The following NKAIN3 variants were observed in gnomAD, a reference collection of about 807,000 sequenced individuals.
NKAIN3 encodes sodium/potassium-transporting ATPase subunit beta-1-interacting protein 3.
In NKAIN3, 25 loss-of-function variants were observed where a neutral mutation model predicts 30.2. The ratio of observed to expected loss-of-function variants is 0.83; its 90% CI spans 0.60 to 1.16. NKAIN3 has a LOEUF of 1.16. Among genes scored for constraint, NKAIN3 ranks in the 50% most tolerant of loss-of-function variants. NKAIN3 has a pLI of 0.00. For missense variants in NKAIN3, 225 were observed against 254.1 expected (o/e 0.89, Z 0.78); for synonymous variants, 91 against 89.6 (o/e 1.02, Z -0.09).
chr8:62,819,850 A>T (rs1818799324), intron 4 of NKAIN3, among the ~76,000 whole-genome samples: 1 of 152,006 alleles, frequency 6.6e-6, no homozygotes, highest in Non-Finnish European at 1.5e-5. Context: ...TAATTTTTTT[A>T]AAAACTTCAA....
chr8:62,416,810 C>T (rs920584985), intron 1 of NKAIN3, among the ~76,000 whole-genome samples: 15 of 152,078 alleles, frequency 9.9e-5, no homozygotes, highest in Admixed American at 9.8e-4. Flanking sequence ...GCCTGGCCAA[C>T]ATGGTGAAAC....
intron 1 of NKAIN3, among the ~76,000 whole-genome samples, chr8:62,307,889 GTT>G (rs1207230313): frequency 6.6e-6 from 1 of 150,546 alleles, no homozygotes; most frequent in Non-Finnish European, 1.5e-5. Context: ...TGGATAGAGA[GTT>G]AAGCTAGGCG....
At chr8:62,996,079 G>A (rs1187427841) in intron 5 of NKAIN3, among the ~76,000 whole-genome samples, 2 of 152,144 alleles carry the variant, frequency 1.3e-5, no homozygotes, top group Non-Finnish European at 2.9e-5. Context: ...ACATAAAAGT[G>A]ATGTAAAATT....
intron 4 of NKAIN3, among the ~76,000 whole-genome samples, chr8:62,893,725 G>A (rs1821356958): frequency 6.6e-6 from 1 of 152,124 alleles, no homozygotes. Context: ...TATATAACTG[G>A]GAAGGTAAAA....
intron 1 of NKAIN3, among the ~76,000 whole-genome samples, chr8:62,500,464 AGAAAGAAAG>A (rs1466617329): frequency 2.1e-5 from 3 of 142,082 alleles, no homozygotes; most frequent in African/African-American, 8.6e-5. Context: ...AAAGAAAGAA[AGAAAGAAAG>A]AAAGAAAGAA....
intron 1 of NKAIN3, among the ~76,000 whole-genome samples, chr8:62,357,214 C>T (rs1025489847): frequency 1.3e-5 from 2 of 152,112 alleles, no homozygotes; most frequent in Non-Finnish European, 2.9e-5. Context: ...TGAGAACAGC[C>T]TGGGCAACAT....
At chr8:62,723,508 CA>C (rs1284746832) in intron 3 of NKAIN3, among the ~76,000 whole-genome samples, 2 of 152,052 alleles carry the variant, frequency 1.3e-5, no homozygotes, top group Middle Eastern at 3.2e-3. Context: ...TATTGATTAA[CA>C]CAAAGCCGGA....
intron 5 of NKAIN3, among the ~76,000 whole-genome samples, chr8:62,945,383 T>C (rs546323042): frequency 4.6e-5 from 7 of 152,324 alleles, no homozygotes; most frequent in African/African-American, 1.4e-4. Flanking sequence ...AAGCAAAAGA[T>C]TGAAAGCCAG....
In NKAIN3 at chr8:62,974,639, C is replaced by A. The variant is rs956302096; in HGVS notation, c.*9232C>A. Among the ~76,000 whole-genome samples, 1 of 152,066 alleles carries A rather than the reference C, an allele frequency of 6.6e-6. No individual in the cohort carries two copies. The highest frequency in any genetic ancestry group is 2.4e-5 in the African/African-American group (1 of 41,420). ...TAATTTGACTTTCTCTCTTCCTATT[C>A]GAATACGCTTTATTTCATTCTCTTG... On this transcript the variant is annotated 3_prime_UTR_variant, in exon 7 of 7. Coordinates refer to ENST00000623646, the MANE Select transcript of NKAIN3 (RefSeq NM_001304533.3).
intron 3 of NKAIN3, among the ~76,000 whole-genome samples, chr8:62,648,149 G>A (rs1812520259): frequency 6.6e-6 from 1 of 152,112 alleles, no homozygotes; most frequent in Non-Finnish European, 1.5e-5. Context: ...GATACGTTTT[G>A]GGCAAAATGG....
chr8:62,511,229 G>A (rs1807804595), intron 1 of NKAIN3, among the ~76,000 whole-genome samples: 1 of 152,044 alleles, frequency 6.6e-6, no homozygotes, highest in Non-Finnish European at 1.5e-5. Context: ...TTTATTTCAG[G>A]TTGCCTCTCT....
At chr8:62,601,782 C>T (rs75351673) in intron 3 of NKAIN3, among the ~76,000 whole-genome samples, 1,737 of 152,026 alleles carry the variant, frequency 0.011, 36 homozygotes, top group African/African-American at 0.041. Context: ...TCCAAAGAGA[C>T]GCAATTATAT....
chr8:62,597,707 A>G (rs1810874875), intron 3 of NKAIN3, among the ~76,000 whole-genome samples: 1 of 151,938 alleles, frequency 6.6e-6, no homozygotes, highest in Non-Finnish European at 1.5e-5. Flanking sequence ...GAATATCATC[A>G]TTTTCGGCAC....
chr8:62,659,913 A>G (rs1812889305), intron 3 of NKAIN3, among the ~76,000 whole-genome samples: 1 of 152,172 alleles, frequency 6.6e-6, no homozygotes, highest in African/African-American at 2.4e-5. Flanking sequence ...TCCATGTAAG[A>G]CATGACTTGC....
At chr8:62,905,293 T>G (rs1259209257) in intron 4 of NKAIN3, among the ~76,000 whole-genome samples, 3 of 152,112 alleles carry the variant, frequency 2.0e-5, no homozygotes, top group Non-Finnish European at 2.9e-5. Context: ...AGATAAGCCT[T>G]GGAGCCAGGC....
At chr8:62,710,435 AT>A (rs1379953630) in intron 3 of NKAIN3, among the ~76,000 whole-genome samples, 1 of 151,938 alleles carries the variant, frequency 6.6e-6, no homozygotes. Flanking sequence ...GGGTTTTGAT[AT>A]TTTCCTGTTG....
chr8:62,934,218 C>T (rs1455584), intron 5 of NKAIN3, among the ~76,000 whole-genome samples: 16,670 of 147,860 alleles, frequency 0.11, 1,058 homozygotes, highest in East Asian at 0.23. Flanking sequence ...GACCTTCTCT[C>T]TAAAAAAAAG....
At chr8:62,834,406 T>C (rs929667561) in intron 4 of NKAIN3, among the ~76,000 whole-genome samples, 4 of 152,152 alleles carry the variant, frequency 2.6e-5, no homozygotes, top group African/African-American at 7.2e-5. Context: ...GCTGACAATA[T>C]GATTCTATAC....
Position 62,993,152 on chromosome 8 carries a change from C to T in NKAIN3, c.533-6079C>T, listed in dbSNP as rs529983118. On this transcript the variant is annotated intron_variant, in intron 5 of 5. Transcript: ENST00000519049. ...GGCCTGGAAGTCGTCCACATTACCT[C>T]TTTCTGCCCACATTCCTCAGGCCAG... Among the ~76,000 whole-genome samples, 3 of 152,276 alleles carry T rather than the reference C, an allele frequency of 2.0e-5. No homozygotes were observed. The East Asian group carries it at 5.8e-4, about 29-fold the overall frequency.
Sources: allele counts gnomAD v4.1 joint callset (sites outside exome capture counted in the v4.1 genomes callset), GRCh38; gene constraint gnomAD v4.1.1; transcripts MANE v1.5; gene names NCBI Gene and HGNC (gene_info 2026-07-23, HGNC 2026-07-21).